The following LINC01488 variants were observed in gnomAD, a reference collection of about 807,000 sequenced individuals.
The protein encoded by LINC01488 is long independently transcribed non-coding RNA 1488, also known as CCND1-upstream intergenic DNA repair 1.
intron 1 of LINC01488, among the ~76,000 whole-genome samples, chr11:69,486,617 G>C (rs1297124924): frequency 6.6e-6 from 1 of 152,164 alleles, no homozygotes; most frequent in Admixed American, 6.5e-5. Context: ...GGGTCTTCCT[G>C]AGGGAGGTGC....
intron 1 of LINC01488, among the ~76,000 whole-genome samples, chr11:69,484,992 T>G (rs565675626): frequency 6.6e-6 from 1 of 152,306 alleles, no homozygotes; most frequent in African/African-American, 2.4e-5. Flanking sequence ...TTGACACAAG[T>G]GGGCTGTGCT....
chr11:69,483,916 T>C (rs904020568), intron 1 of LINC01488, among the ~76,000 whole-genome samples: 4 of 152,054 alleles, frequency 2.6e-5, no homozygotes, highest in African/African-American at 9.7e-5. Flanking sequence ...TCTCAGGCGC[T>C]TCAAAGAAGA....
exon 4 of LINC01488, chr11:69,492,699 C>G (rs1380454768): frequency 6.6e-6 from 1 of 152,206 alleles, no homozygotes; most frequent in Non-Finnish European, 1.5e-5. Context: ...CGTGAGATAA[C>G]ACGTGTGCTG....
exon 3 of LINC01488, chr11:69,491,029 C>G (rs559215857): frequency 1.3e-5 from 2 of 152,214 alleles, no homozygotes; most frequent in African/African-American, 4.8e-5. Context: ...TTTCTGAGGG[C>G]CTGCTGTGCG....
intron 1 of LINC01488, among the ~76,000 whole-genome samples, chr11:69,483,339 A>C (rs531707759): frequency 1.3e-5 from 2 of 152,278 alleles, no homozygotes; most frequent in South Asian, 4.1e-4. Context: ...CACTTCCTCC[A>C]CTTATCAGCT....
At chr11:69,487,461 C>T (rs1187066561) in intron 1 of LINC01488, among the ~76,000 whole-genome samples, 1 of 152,222 alleles carries the variant, frequency 6.6e-6, no homozygotes, top group African/African-American at 2.4e-5. Context: ...TTCTGAGGTC[C>T]TCACAAGGCA....
chr11:69,489,045 G>A (rs1057465776), intron 1 of LINC01488, among the ~76,000 whole-genome samples: 1 of 151,586 alleles, frequency 6.6e-6, no homozygotes, highest in Non-Finnish European at 1.5e-5. Flanking sequence ...TAAGGCTTCA[G>A]AAAGGTAATG....
chr11:69,482,293 G>A (rs183038775), intron 1 of LINC01488, among the ~76,000 whole-genome samples: 39 of 152,230 alleles, frequency 2.6e-4, no homozygotes, highest in African/African-American at 7.7e-4. Flanking sequence ...GGGGTAAACC[G>A]CCCCCATGAT....
In LINC01488 at chr11:69,492,731, G is replaced by T. The variant is rs987247726; in HGVS notation, n.1207G>T. 4 of 152,316 alleles carry T rather than the reference G, an allele frequency of 2.6e-5. No individual in the cohort carries two copies. The East Asian group carries it at 7.7e-4, about 29-fold the overall frequency. 9.4% of individuals were successfully genotyped at this position (152,316 alleles called of 1,614,324 possible). A position where few individuals can be genotyped will look rare whatever the true frequency, so the allele number is the denominator to read the frequency against. On this transcript the variant is annotated non_coding_transcript_exon_variant, in exon 4 of 4. Coordinates refer to ENST00000644563, the Ensembl canonical transcript of LINC01488. ...GCTGTTTTAAGCCACTGCAATTGTG[G>T]TATTTGTCACAGCAGCCATAGGAAA...
intron 1 of LINC01488, among the ~76,000 whole-genome samples, chr11:69,482,612 T>C (rs1445955033): frequency 6.6e-6 from 1 of 151,798 alleles, no homozygotes; most frequent in African/African-American, 2.4e-5. Flanking sequence ...GATGAGTGGA[T>C]GGATGGGTAA....
At chr11:69,488,930 A>G (rs1441742155) in intron 1 of LINC01488, among the ~76,000 whole-genome samples, 1 of 152,192 alleles carries the variant, frequency 6.6e-6, no homozygotes, top group Non-Finnish European at 1.5e-5. Context: ...TTGGTTTTGC[A>G]TTCCCACAGT....
chr11:69,490,117 C>A (rs928246699), intron 1 of LINC01488, among the ~76,000 whole-genome samples: 6 of 152,200 alleles, frequency 3.9e-5, no homozygotes, highest in Admixed American at 3.3e-4. Flanking sequence ...GTGCCCCAGC[C>A]CCTCACACAT....
exon 3 of LINC01488, chr11:69,491,355 C>A (rs1857217125): frequency 1.3e-5 from 2 of 152,356 alleles, no homozygotes; most frequent in Admixed American, 1.3e-4. Flanking sequence ...CGTCCTGCAT[C>A]CCCACCATGA....
chr11:69,488,060 A>T (rs1857153290), intron 1 of LINC01488: 1 of 152,168 alleles, frequency 6.6e-6, no homozygotes, highest in South Asian at 2.1e-4. Context: ...GTCTCATGCC[A>T]CCCCTCAACC....
chr11:69,491,153 G>A (rs561145409), exon 3 of LINC01488: 1 of 152,422 alleles, frequency 6.6e-6, no homozygotes. Context: ...GTGATGGGGA[G>A]GGTTGAGGTG....
At chr11:69,484,769 C>T (rs4980659) in intron 1 of LINC01488, among the ~76,000 whole-genome samples, 1 of 152,092 alleles carries the variant, frequency 6.6e-6, no homozygotes, top group African/African-American at 2.4e-5. Flanking sequence ...ACTCCTGGGG[C>T]CTCGTCTTCA....
intron 1 of LINC01488, chr11:69,486,155 C>T (rs1207433474): frequency 1.3e-5 from 2 of 152,222 alleles, no homozygotes; most frequent in Non-Finnish European, 2.9e-5. Flanking sequence ...TATGGAGTTT[C>T]CATGATAACT....
intron 3 of LINC01488, chr11:69,491,972 G>T (rs928061063): frequency 6.5e-6 from 1 of 152,796 alleles, no homozygotes; most frequent in Non-Finnish European, 1.5e-5. Flanking sequence ...GGGCACAGAG[G>T]CCCGTGGGGT....
chr11:69,483,734 G>A (rs113553377), intron 1 of LINC01488, among the ~76,000 whole-genome samples: 255 of 152,302 alleles, frequency 1.7e-3, no homozygotes, highest in African/African-American at 5.8e-3. Flanking sequence ...AAATGCAGGC[G>A]TGATGGTCTG....
Sources: gnomAD v4.1 joint callset for allele counts (sites outside exome capture counted in the v4.1 genomes callset) on GRCh38, gnomAD v4.1.1 for gene constraint, MANE v1.5 for transcripts, NCBI Gene and HGNC (gene_info 2026-07-23, HGNC 2026-07-21) for gene names.